HS3ST2: variants seen among roughly 807,000 people sequenced by gnomAD.
HS3ST2 encodes the protein heparan sulfate-glucosamine 3-sulfotransferase 2.
A neutral mutation model predicts 26.3 loss-of-function variants in HS3ST2; 17 were observed. The ratio of observed to expected loss-of-function variants is 0.65; its 90% CI spans 0.44 to 0.97. The LOEUF (loss-of-function observed/expected upper bound fraction) is 0.97, where lower values mean the gene tolerates loss of function less well. Among genes scored for constraint, HS3ST2 ranks in the 50% least tolerant of loss-of-function variants. The probability of loss-of-function intolerance (pLI) is 0.00; values close to 1 mark genes in which losing one functional copy is unlikely to be tolerated. For synonymous variants in HS3ST2, 237 were observed against 219.2 expected, an observed-to-expected ratio of 1.08 and a Z score of -0.72; for missense variants, 402 against 501.2, an observed-to-expected ratio of 0.80 and a Z score of 1.89.
intron 1 of HS3ST2, among the ~76,000 whole-genome samples, chr16:22,885,436 G>A (rs1202454429): frequency 2.6e-5 from 4 of 151,380 alleles, no homozygotes; most frequent in African/African-American, 9.7e-5. Context: ...ATCCCATTTA[G>A]TCCTCATTTT....
intron 1 of HS3ST2, among the ~76,000 whole-genome samples, chr16:22,871,762 A>T (rs1311736613): frequency 1.3e-5 from 2 of 152,202 alleles, no homozygotes; most frequent in African/African-American, 4.8e-5. Context: ...CTGTGATTTG[A>T]CAGGCAAAGT....
At position 22,845,081 on chromosome 16, in the gene HS3ST2, C is replaced by G. The variant is rs527289922; in HGVS notation, c.485+29986C>G. 1.7e-4 allele frequency among the ~76,000 whole-genome samples: 25 copies of G among 147,998 alleles called. 1 individual carries two copies. In the South Asian group the frequency reaches 4.6e-3, roughly 27 times the overall value. ...GTGTTAGTTAGGATGGTCTGGATCTCCTGACCTTGTGATCCGCCTGCCTCG... is the reference window on the plus strand; with the variant it reads ...GTGTTAGTTAGGATGGTCTGGATCTGCTGACCTTGTGATCCGCCTGCCTCG... On this transcript the variant is annotated intron_variant, in intron 1 of 1. Transcript: ENST00000261374.
chr16:22,906,581 G>A (rs1902357069), intron 1 of HS3ST2, among the ~76,000 whole-genome samples: 1 of 152,184 alleles, frequency 6.6e-6, no homozygotes, highest in African/African-American at 2.4e-5. Context: ...TGGCAAAACA[G>A]AAATGGCATG....
intron 1 of HS3ST2, among the ~76,000 whole-genome samples, chr16:22,819,846 A>G (rs949330174): frequency 1.3e-5 from 2 of 152,278 alleles, no homozygotes; most frequent in African/African-American, 4.8e-5. Context: ...TCAAGAAATC[A>G]TATTCTAATT....
intron 1 of HS3ST2, among the ~76,000 whole-genome samples, chr16:22,908,528 A>C (rs1902383233): frequency 6.6e-6 from 1 of 152,182 alleles, no homozygotes; most frequent in Non-Finnish European, 1.5e-5. Flanking sequence ...CAAGGTCAAG[A>C]GGCTCCATCT....
rs116661076 is a variant in HS3ST2, at chr16:22,835,692, C to G, written c.485+20597C>G. 2.8e-3 allele frequency among the ~76,000 whole-genome samples: 432 copies of G among 152,086 alleles called. 3 individuals are homozygous for G. The highest frequency in any genetic ancestry group is 9.9e-3 in the African/African-American group (409 of 41,488). On this transcript the variant is annotated intron_variant, in intron 1 of 1. Transcript: ENST00000261374. ...CTTACAAATCACAAAAAAAGGATAG[C>G]CTTGGGAGTTAAAATTGCAGCTGTC...
intron 1 of HS3ST2, among the ~76,000 whole-genome samples, chr16:22,910,832 G>A (rs914761903): frequency 6.6e-6 from 1 of 152,142 alleles, no homozygotes; most frequent in Admixed American, 6.5e-5. Context: ...GTGGATGGGT[G>A]AGCCCTTGCA....
rs1373831286 is a variant in HS3ST2, at chr16:22,915,517, T to C, written c.1059T>C (p.Asn353=). Residue 353 remains asparagine (N), a synonymous_variant, in exon 2 of 2, where the codon AAT becomes AAC. Transcript: ENST00000261374. ...DQLREFYRPY[N]IKFYETVGQD... ...TCCGAGAATTTTATAGACCGTATAA[T>C]ATCAAATTTTATGAAACCGTTGGGC... 2 of 1,613,828 alleles carry C rather than the reference T, an allele frequency of 1.2e-6. No homozygotes were observed. Among genetic ancestry groups the C allele is most frequent in the African/African-American group, 1.3e-5 (1 of 74,978 alleles).
chr16:22,891,107 G>A (rs1256626309), intron 1 of HS3ST2, among the ~76,000 whole-genome samples: 1 of 152,158 alleles, frequency 6.6e-6, no homozygotes, highest in Non-Finnish European at 1.5e-5. Context: ...GAAAGCATTG[G>A]GTATGTTCTG....
At chr16:22,816,355 C>G (rs1555511105) in intron 1 of HS3ST2, among the ~76,000 whole-genome samples, 1 of 152,208 alleles carries the variant, frequency 6.6e-6, no homozygotes, top group Non-Finnish European at 1.5e-5. Flanking sequence ...CAAGGGACAA[C>G]TTTGTTAGAA....
At chr16:22,850,732 A>G (rs890376405) in intron 1 of HS3ST2, among the ~76,000 whole-genome samples, 1 of 152,220 alleles carries the variant, frequency 6.6e-6, no homozygotes, top group Non-Finnish European at 1.5e-5. Flanking sequence ...GGTTGCAGTG[A>G]GCTGAGATTG....
chr16:22,913,357 C>T (rs900585054), intron 1 of HS3ST2, among the ~76,000 whole-genome samples: 1 of 152,054 alleles, frequency 6.6e-6, no homozygotes, highest in Non-Finnish European at 1.5e-5. Flanking sequence ...TCAGTGCTTC[C>T]TCCCACATCC....
chr16:22,826,087 G>C (rs1451475952), intron 1 of HS3ST2, among the ~76,000 whole-genome samples: 1 of 152,184 alleles, frequency 6.6e-6, no homozygotes, highest in African/African-American at 2.4e-5. Flanking sequence ...CACCTGCTAT[G>C]TGCCAGGCAA....
rs147631945 is a variant in HS3ST2, at chr16:22,902,524, G to A, written c.486-12420G>A. ...CTGCAAATACTGCAATGAACACCTGGCACATGAGTCTTTATGCACTTGTGC... is the reference window on the plus strand; with the variant it reads ...CTGCAAATACTGCAATGAACACCTGACACATGAGTCTTTATGCACTTGTGC... On this transcript the variant is annotated intron_variant, in intron 1 of 1. Coordinates refer to ENST00000261374, the MANE Select transcript of HS3ST2 (RefSeq NM_006043.2). 4.1e-3 allele frequency among the ~76,000 whole-genome samples: 621 copies of A among 152,270 alleles called. 4 individuals carry two copies. The highest frequency in any genetic ancestry group is 0.014 in the African/African-American group (593 of 41,532).
intron 1 of HS3ST2, among the ~76,000 whole-genome samples, chr16:22,827,136 G>A (rs1901099718): frequency 1.3e-5 from 2 of 152,186 alleles, no homozygotes; most frequent in South Asian, 4.1e-4. Context: ...TCTGGGAGAA[G>A]AATGTTCTAG....
chr16:22,905,850 C>A (rs1306378996), intron 1 of HS3ST2, among the ~76,000 whole-genome samples: 1 of 152,104 alleles, frequency 6.6e-6, no homozygotes, highest in Non-Finnish European at 1.5e-5. Flanking sequence ...CTTCTCTGAT[C>A]GTAAGAATCA....
chr16:22,855,106 G>A (rs992277782), intron 1 of HS3ST2, among the ~76,000 whole-genome samples: 2 of 152,142 alleles, frequency 1.3e-5, no homozygotes, highest in Non-Finnish European at 2.9e-5. Flanking sequence ...TCTATTTCCT[G>A]CAGTAAATCA....
chr16:22,910,606 GTTTT>G (rs1180771352), intron 1 of HS3ST2, among the ~76,000 whole-genome samples: 1 of 152,192 alleles, frequency 6.6e-6, no homozygotes, highest in East Asian at 1.9e-4. Context: ...TTTAAAAATT[GTTTT>G]TTAATTGTCT....
chr16:22,855,410 T>C (rs2141187187), intron 1 of HS3ST2, among the ~76,000 whole-genome samples: 1 of 152,296 alleles, frequency 6.6e-6, no homozygotes, highest in African/African-American at 2.4e-5. Context: ...AAGGTCACCA[T>C]GGCAGGTTTC....
Sources: allele counts gnomAD v4.1 joint callset (sites outside exome capture counted in the v4.1 genomes callset), GRCh38; gene constraint gnomAD v4.1.1; transcripts MANE v1.5; gene names NCBI Gene and HGNC (gene_info 2026-07-23, HGNC 2026-07-21).